SLC5A1: variants seen among roughly 807,000 people sequenced by gnomAD.
SLC5A1 encodes sodium/glucose cotransporter 1.
In SLC5A1, 42 loss-of-function variants were observed where a neutral mutation model predicts 73.5. The observed-to-expected ratio is 0.57, with a 90% CI of 0.45 to 0.74. SLC5A1 has a LOEUF of 0.74. SLC5A1 is among the 30% of genes least tolerant of loss of function. The probability of loss-of-function intolerance (pLI) is 0.00; values close to 1 mark genes in which losing one functional copy is unlikely to be tolerated. For synonymous variants in SLC5A1, 300 were observed against 317.4 expected (o/e 0.95, Z 0.58); for missense variants, 634 against 855.4 (o/e 0.74, Z 3.23).
rs1262897732 is a variant in SLC5A1, at chr22:32,091,866, G to A, written c.1280+104G>A. 8 of 1,123,604 alleles carry A rather than the reference G, an allele frequency of 7.1e-6. No homozygotes were observed. In the East Asian group the frequency reaches 7.2e-5, roughly 10 times the overall value. The allele number at this position is 1,123,604 out of a possible 1,614,324, so 69.6% of individuals were successfully genotyped here. A position where few individuals can be genotyped will look rare whatever the true frequency, so the allele number is the denominator to read the frequency against. On this transcript the variant is annotated intron_variant, in intron 11 of 14. Transcript: ENST00000266088. ...AGGTTGGCAGATGCCTGGGTAGAAT[G>A]GGAATAATTTCTGTGGCTGGTTATA...
chr22:32,090,519 G>A (rs930618890), intron 10 of SLC5A1, among the ~76,000 whole-genome samples: 1 of 151,932 alleles, frequency 6.6e-6, no homozygotes, highest in Admixed American at 6.5e-5. Context: ...TCCATCACAT[G>A]TTTACCCATT....
chr22:32,059,409 A>G (rs1387870510), intron 2 of SLC5A1: 25 of 904,824 alleles, frequency 2.8e-5, no homozygotes, highest in Non-Finnish European at 3.2e-5. Flanking sequence ...ACTGGGCTTT[A>G]TTCTGCAGAT....
At chr22:32,074,387 C>A (rs984218289) in intron 5 of SLC5A1, among the ~76,000 whole-genome samples, 2 of 152,174 alleles carry the variant, frequency 1.3e-5, no homozygotes, top group Non-Finnish European at 2.9e-5. Flanking sequence ...TGGAGCCCAT[C>A]CCCGAGGAGC....
intron 11 of SLC5A1, among the ~76,000 whole-genome samples, chr22:32,092,412 C>T (rs1464624529): frequency 6.6e-6 from 1 of 152,174 alleles, no homozygotes; most frequent in Non-Finnish European, 1.5e-5. Flanking sequence ...TATAAACCTG[C>T]GTGTGCAAAC....
At position 32,104,876 on chromosome 22, in the gene SLC5A1, G is replaced by A. The variant is rs764803479; in HGVS notation, c.1756G>A (p.Glu586Lys). The A allele has an allele frequency of 6.2e-7, 1 of 1,613,008 alleles. No individual in the cohort carries two copies. The highest frequency in any genetic ancestry group is 8.5e-7 in the Non-Finnish European group (1 of 1,178,986). ...EEENIQEGPK[E>K]TIEIETQVPE... is the part of the protein sequence containing the mutation. ...GGAGAACATCCAAGAAGGCCCTAAG[G>A]AGACCATTGAAATAGGTGACTTATG... Residue 586 changes from glutamate (E) to lysine (K), a missense_variant, in exon 14 of 15, where the codon GAG (glutamate) becomes AAG (lysine). Around this residue, in one of 3 missense-constraint regions of SLC5A1, gnomAD observed 161 missense variants for 178.7 expected, o/e 0.90. Transcript: ENST00000266088.
chr22:32,088,503 AT>A (rs1283034342), intron 10 of SLC5A1, among the ~76,000 whole-genome samples: 1 of 151,584 alleles, frequency 6.6e-6, no homozygotes, highest in African/African-American at 2.4e-5. Flanking sequence ...CGCCCAGCTA[AT>A]TTTTTTGTAT....
intron 2 of SLC5A1, among the ~76,000 whole-genome samples, chr22:32,060,142 CA>C (rs1569302238): frequency 5.4e-5 from 1 of 18,568 alleles, no homozygotes; most frequent in South Asian, 2.5e-3. Context: ...TATATATACA[CA>C]TACACACACA....
intron 14 of SLC5A1, among the ~76,000 whole-genome samples, chr22:32,108,995 C>T (rs1603148514): frequency 6.6e-6 from 1 of 151,886 alleles, no homozygotes; most frequent in East Asian, 1.9e-4. Context: ...GGGCAACATA[C>T]TCAGATACTC....
chr22:32,045,282 G>A (rs796354277), intron 1 of SLC5A1, among the ~76,000 whole-genome samples: 5 of 152,318 alleles, frequency 3.3e-5, no homozygotes, highest in African/African-American at 1.2e-4. Context: ...AGTCTAGTAG[G>A]TGTTTATACT....
intron 2 of SLC5A1, among the ~76,000 whole-genome samples, chr22:32,066,364 T>C (rs1321708452): frequency 6.6e-6 from 1 of 152,222 alleles, no homozygotes; most frequent in Non-Finnish European, 1.5e-5. Flanking sequence ...TCTCTGTTAC[T>C]TGGGAGTTCA....
At chr22:32,084,687 C>G (rs199764476) in intron 8 of SLC5A1, 28 bp downstream of exon 8, 3 of 1,594,346 alleles carry the variant, frequency 1.9e-6, no homozygotes, top group Non-Finnish European at 2.6e-6. Flanking sequence ...GCGGGATGGA[C>G]AGAGTCTTCT....
At chr22:32,045,655 CT>C (rs2093936199) in intron 1 of SLC5A1, among the ~76,000 whole-genome samples, 1 of 152,224 alleles carries the variant, frequency 6.6e-6, no homozygotes, top group Admixed American at 6.5e-5. Context: ...CTGTTTTGCT[CT>C]TTTACAATTC....
intron 2 of SLC5A1, among the ~76,000 whole-genome samples, chr22:32,053,296 A>C (rs78443579): frequency 6.6e-6 from 1 of 151,014 alleles, no homozygotes; most frequent in Non-Finnish European, 1.5e-5. Context: ...CCTATTACTC[A>C]TTCTCCTTTT....
chr22:32,063,845 TAA>T (rs1407513979), intron 2 of SLC5A1, among the ~76,000 whole-genome samples: 1 of 151,374 alleles, frequency 6.6e-6, no homozygotes, highest in Non-Finnish European at 1.5e-5. Flanking sequence ...GGTCATGGGG[TAA>T]AGAGAGGGAG....
intron 5 of SLC5A1, 50 bp downstream of exon 5, chr22:32,068,650 C>G: frequency 8.2e-7 from 1 of 1,225,140 alleles, no homozygotes; most frequent in Non-Finnish European, 1.2e-6. Context: ...CTGCCACTCT[C>G]ATTCCTCATC....
At chr22:32,088,218 G>A (rs188830119) in intron 10 of SLC5A1, among the ~76,000 whole-genome samples, 87 of 152,276 alleles carry the variant, frequency 5.7e-4, no homozygotes, top group African/African-American at 2.0e-3. Flanking sequence ...ACATTATGCG[G>A]GAGTGGACTG....
chr22:32,069,358 A>T (rs1342945732), intron 5 of SLC5A1, among the ~76,000 whole-genome samples: 1 of 152,268 alleles, frequency 6.6e-6, no homozygotes, highest in East Asian at 1.9e-4. Context: ...ATTGTACAAC[A>T]TGGTGACTAT....
At chr22:32,105,591 G>A (rs776826435) in intron 14 of SLC5A1, among the ~76,000 whole-genome samples, 1 of 151,996 alleles carries the variant, frequency 6.6e-6, no homozygotes, top group Admixed American at 6.6e-5. Flanking sequence ...CACCACACCC[G>A]GCCTTGCACT....
chr22:32,073,810 C>T (rs570601306), intron 5 of SLC5A1, among the ~76,000 whole-genome samples: 3 of 152,266 alleles, frequency 2.0e-5, no homozygotes, highest in East Asian at 3.9e-4. Context: ...CCGCCCGCTT[C>T]GGCCTCCCAA....
Sources: allele counts gnomAD v4.1 joint callset (sites outside exome capture counted in the v4.1 genomes callset), GRCh38; gene constraint gnomAD v4.1.1; regional missense constraint gnomAD v4.1.1; transcripts MANE v1.5; gene names NCBI Gene and HGNC (gene_info 2026-07-23, HGNC 2026-07-21).